The following NRXN3 variants were observed in gnomAD, a reference collection of about 807,000 sequenced individuals.
NRXN3 encodes the protein neurexin III.
Under a neutral mutation model 137.6 loss-of-function variants are expected in NRXN3, and 32 were observed. The observed-to-expected ratio is 0.23, with a 90% CI of 0.18 to 0.31. NRXN3 has a LOEUF of 0.31. Ranked by LOEUF, NRXN3 falls within the 10% of genes least tolerant of loss-of-function variation. The pLI is 1.00. For synonymous variants in NRXN3, 798 were observed against 784.5 expected (o/e 1.02, Z -0.29); for missense variants, 1,574 against 2,062.5 (o/e 0.76, Z 4.59).
intron 15 of NRXN3, among the ~76,000 whole-genome samples, chr14:79,345,552 C>G (rs1268506382): frequency 6.6e-6 from 1 of 152,144 alleles, no homozygotes; most frequent in Admixed American, 6.5e-5. Context: ...CTCTCCAAAT[C>G]TCATGTTGAA....
At chr14:78,326,944 T>A (rs75958404) in intron 4 of NRXN3, among the ~76,000 whole-genome samples, 5 of 142,056 alleles carry the variant, frequency 3.5e-5, no homozygotes, top group African/African-American at 5.1e-5. Flanking sequence ...AAAAAAAAAA[T>A]CTCTCTGTTC....
chr14:79,604,947 G>T, intron 16 of NRXN3, among the ~76,000 whole-genome samples: 1 of 152,032 alleles, frequency 6.6e-6, no homozygotes, highest in East Asian at 1.9e-4. Context: ...CAGGAGAATC[G>T]CTTGAACCCA....
chr14:79,616,989 C>T (rs947615884), intron 16 of NRXN3, among the ~76,000 whole-genome samples: 2 of 152,078 alleles, frequency 1.3e-5, no homozygotes, highest in African/African-American at 4.8e-5. Context: ...CCTTAACCAC[C>T]AAGTCCTGAT....
intron 8 of NRXN3, among the ~76,000 whole-genome samples, chr14:78,716,172 G>A (rs1454816281): frequency 5.9e-5 from 9 of 152,106 alleles, no homozygotes; most frequent in Non-Finnish European, 1.3e-4. Context: ...ATTTGCACCC[G>A]ATTTACAGTT....
At chr14:78,837,564 T>G (rs1052513398) in intron 10 of NRXN3, among the ~76,000 whole-genome samples, 1 of 152,064 alleles carries the variant, frequency 6.6e-6, no homozygotes, top group African/African-American at 2.4e-5. Context: ...TTTTCTCTGA[T>G]CCTTTTGGAA....
At chr14:79,594,000 C>T (rs1223411136) in intron 16 of NRXN3, among the ~76,000 whole-genome samples, 3 of 151,916 alleles carry the variant, frequency 2.0e-5, no homozygotes, top group Non-Finnish European at 2.9e-5. Context: ...TGTATAAATC[C>T]TTTTTTTGAA....
intron 20 of NRXN3, among the ~76,000 whole-genome samples, chr14:79,823,669 A>G (rs2293821): frequency 0.6 from 91,446 of 152,124 alleles, 27,948 homozygotes; most frequent in African/African-American, 0.72. Flanking sequence ...CTTAAAATAT[A>G]GAAGAGTATA....
chr14:79,304,802 C>G (rs1443390364), intron 15 of NRXN3, among the ~76,000 whole-genome samples: 4 of 152,052 alleles, frequency 2.6e-5, no homozygotes, highest in African/African-American at 9.7e-5. Context: ...ACCATTGAAG[C>G]ATTCTTCAAG....
intron 16 of NRXN3, among the ~76,000 whole-genome samples, chr14:79,628,748 A>G (rs1001491117): frequency 6.6e-6 from 1 of 152,232 alleles, no homozygotes; most frequent in Non-Finnish European, 1.5e-5. Flanking sequence ...ATTTGGCAGC[A>G]CAGTGTATCT....
chr14:79,035,113 G>A (rs756244236), intron 15 of NRXN3, among the ~76,000 whole-genome samples: 1 of 152,040 alleles, frequency 6.6e-6, no homozygotes, highest in South Asian at 2.1e-4. Flanking sequence ...CTTTTATAAG[G>A]CCCTTTCCTC....
intron 15 of NRXN3, among the ~76,000 whole-genome samples, chr14:79,222,266 A>T (rs1343390141): frequency 6.6e-6 from 1 of 152,144 alleles, no homozygotes; most frequent in African/African-American, 2.4e-5. Context: ...TGAAATATGA[A>T]GTAGTTTTTT....
At chr14:79,839,272 G>A (rs754777621) in intron 20 of NRXN3, among the ~76,000 whole-genome samples, 12 of 152,000 alleles carry the variant, frequency 7.9e-5, no homozygotes, top group Admixed American at 1.3e-4. Context: ...GCCTAGGGCC[G>A]GAGTCTAGTC....
intron 15 of NRXN3, among the ~76,000 whole-genome samples, chr14:79,191,553 A>G (rs2064315071): frequency 6.6e-6 from 1 of 152,214 alleles, no homozygotes; most frequent in Non-Finnish European, 1.5e-5. Flanking sequence ...TGACAAAGAG[A>G]AAATAGAAAA....
At position 78,968,492 on chromosome 14, in the gene NRXN3, T is replaced by C. The variant is rs974639677; in HGVS notation, c.3142+146T>C. On this transcript the variant is annotated intron_variant, in intron 14 of 20. Transcript: ENST00000335750. ...TGACATTGCATCACCATCAGTGTTC[T>C]CTTGTCACTGGTTTAGTATGTCAAG... is the stretch of plus-strand genomic sequence containing the variant. 5 of 659,566 alleles carry C rather than the reference T, an allele frequency of 7.6e-6. No homozygotes were observed. The African/African-American group carries it at 9.0e-5, about 12-fold the overall frequency. 40.9% of individuals were successfully genotyped at this position (659,566 alleles called of 1,614,324 possible). A position where few individuals can be genotyped will look rare whatever the true frequency, so the allele number is the denominator to read the frequency against.
At chr14:79,191,879 A>T (rs947923520) in intron 15 of NRXN3, among the ~76,000 whole-genome samples, 2 of 152,106 alleles carry the variant, frequency 1.3e-5, no homozygotes, top group African/African-American at 4.8e-5. Context: ...ACCACTTCAC[A>T]AATAGATAAG....
intron 19 of NRXN3, among the ~76,000 whole-genome samples, chr14:79,718,565 AT>A (rs750976605): frequency 6.6e-6 from 1 of 152,140 alleles, no homozygotes; most frequent in Non-Finnish European, 1.5e-5. Context: ...TATTGCTTTA[AT>A]TCTGATGAAG....
intron 4 of NRXN3, among the ~76,000 whole-genome samples, chr14:78,480,412 C>T (rs976433906): frequency 3.9e-5 from 6 of 152,088 alleles, no homozygotes; most frequent in Non-Finnish European, 8.8e-5. Context: ...AAGTTAGATT[C>T]CCAAGTCAGA....
chr14:79,731,883 G>A (rs1270609183), intron 19 of NRXN3, among the ~76,000 whole-genome samples: 1 of 149,082 alleles, frequency 6.7e-6, no homozygotes, highest in East Asian at 2.0e-4. Flanking sequence ...TTGACCATCC[G>A]ATTTCACTTA....
intron 6 of NRXN3, among the ~76,000 whole-genome samples, chr14:78,660,588 C>T (rs755423702): frequency 3.9e-5 from 6 of 152,232 alleles, no homozygotes; most frequent in East Asian, 1.9e-4. Flanking sequence ...TTAAACTAAG[C>T]TTCTGGCCAC....
Sources: allele counts gnomAD v4.1 joint callset (sites outside exome capture counted in the v4.1 genomes callset), GRCh38; gene constraint gnomAD v4.1.1; transcripts MANE v1.5; gene names NCBI Gene and HGNC (gene_info 2026-07-23, HGNC 2026-07-21).